The following TTC28 variants were observed in gnomAD, a reference collection of about 807,000 sequenced individuals.
TTC28 encodes tetratricopeptide repeat domain 28, also known as tetratricopeptide repeat protein 28.
TTC28 carries 61 observed loss-of-function variants against 198.0 expected under a neutral mutation model. That is an observed-to-expected ratio of 0.31 (90% CI 0.25 to 0.38). TTC28 has a LOEUF of 0.38. Among genes scored for constraint, TTC28 ranks in the 10% least tolerant of loss-of-function variants. The pLI, the probability that TTC28 is intolerant of heterozygous loss-of-function variation, is 1.00. For missense variants in TTC28, 2,678 were observed against 3,164.0 expected (o/e 0.85, Z 3.69); for synonymous variants, 1,171 against 1,297.8 (o/e 0.90, Z 2.10).
intron 5 of TTC28, among the ~76,000 whole-genome samples, chr22:28,256,563 G>GA (rs755781726): frequency 4.6e-5 from 7 of 151,788 alleles, no homozygotes; most frequent in Admixed American, 6.6e-5. Context: ...CACAGAAATA[G>GA]AAAAAAAACT....
chr22:28,586,551 T>C (rs2050322202), intron 2 of TTC28, among the ~76,000 whole-genome samples: 1 of 152,180 alleles, frequency 6.6e-6, no homozygotes, highest in Admixed American at 6.5e-5. Flanking sequence ...CAGATGAAAT[T>C]AAAACCTGAT....
intron 22 of TTC28, among the ~76,000 whole-genome samples, chr22:27,984,240 C>T (rs1239118253): frequency 1.3e-5 from 2 of 152,134 alleles, no homozygotes; most frequent in East Asian, 1.9e-4. Flanking sequence ...ATCTCCTGCC[C>T]TCCTTTCCAG....
At chr22:28,493,719 G>A (rs1335607669) in intron 2 of TTC28, among the ~76,000 whole-genome samples, 1 of 152,130 alleles carries the variant, frequency 6.6e-6, no homozygotes. Flanking sequence ...TCCTCCCTCT[G>A]CTCCCCACCC....
At chr22:28,575,573 G>T (rs925080879) in intron 2 of TTC28, among the ~76,000 whole-genome samples, 1 of 152,148 alleles carries the variant, frequency 6.6e-6, no homozygotes, top group Admixed American at 6.6e-5. Context: ...GAAAGAGATT[G>T]CACTGAATAT....
At chr22:28,159,480 C>A (rs769305906) in intron 6 of TTC28, among the ~76,000 whole-genome samples, 1 of 152,010 alleles carries the variant, frequency 6.6e-6, no homozygotes, top group African/African-American at 2.4e-5. Flanking sequence ...ATGCTGAAAC[C>A]CCATCTCTAC....
intron 6 of TTC28, among the ~76,000 whole-genome samples, chr22:28,122,060 G>A (rs1057141193): frequency 3.9e-5 from 6 of 152,122 alleles, no homozygotes; most frequent in Non-Finnish European, 8.8e-5. Flanking sequence ...TAGAGACAGG[G>A]TTTTACCCTG....
intron 5 of TTC28, among the ~76,000 whole-genome samples, chr22:28,225,580 A>C (rs1457963641): frequency 6.6e-6 from 1 of 152,234 alleles, no homozygotes; most frequent in East Asian, 1.9e-4. Flanking sequence ...AAAGAAGGGT[A>C]GAATTGCACA....
chr22:28,086,527 C>A (rs1311055412), intron 12 of TTC28, among the ~76,000 whole-genome samples: 6 of 152,066 alleles, frequency 3.9e-5, no homozygotes, highest in South Asian at 2.1e-4. Flanking sequence ...TGTAGAGGGA[C>A]ATTTATAGCA....
intron 1 of TTC28, among the ~76,000 whole-genome samples, chr22:28,637,315 T>A (rs1406313066): frequency 6.6e-6 from 1 of 152,126 alleles, no homozygotes; most frequent in Non-Finnish European, 1.5e-5. Flanking sequence ...CCCAGCCACG[T>A]TTAAGTATTT....
intron 2 of TTC28, among the ~76,000 whole-genome samples, chr22:28,316,298 G>A (rs1055817684): frequency 4.6e-5 from 7 of 152,126 alleles, no homozygotes; most frequent in African/African-American, 1.7e-4. Context: ...CTGCCTGTCT[G>A]ACCCGTTTCT....
chr22:28,479,256 T>C (rs904934123), intron 2 of TTC28, among the ~76,000 whole-genome samples: 4 of 152,274 alleles, frequency 2.6e-5, no homozygotes, highest in African/African-American at 9.6e-5. Context: ...TTCTTGAAAA[T>C]ACATACACAG....
chr22:28,066,318 T>C (rs1327228934), intron 12 of TTC28, among the ~76,000 whole-genome samples: 1 of 151,906 alleles, frequency 6.6e-6, no homozygotes, highest in Non-Finnish European at 1.5e-5. Flanking sequence ...TGTGTGTGTG[T>C]GTGTGCGCGC....
intron 13 of TTC28, among the ~76,000 whole-genome samples, chr22:28,027,572 C>A (rs1057058035): frequency 6.6e-6 from 1 of 152,230 alleles, no homozygotes; most frequent in African/African-American, 2.4e-5. Context: ...TGGAGAGCCC[C>A]CGGAGAGGGA....
chr22:28,585,170 G>A (rs2050295638), intron 2 of TTC28, among the ~76,000 whole-genome samples: 1 of 152,154 alleles, frequency 6.6e-6, no homozygotes, highest in East Asian at 1.9e-4. Context: ...CCTGGGGCTG[G>A]GGAGATGGTT....
intron 2 of TTC28, among the ~76,000 whole-genome samples, chr22:28,411,247 C>A (rs2047076843): frequency 6.6e-6 from 1 of 152,098 alleles, no homozygotes; most frequent in Non-Finnish European, 1.5e-5. Context: ...TTGTCAAGTC[C>A]AGCTTTCAGA....
At chr22:28,340,146 C>CTGG (rs1255532536) in intron 2 of TTC28, among the ~76,000 whole-genome samples, 2 of 152,154 alleles carry the variant, frequency 1.3e-5, no homozygotes, top group African/African-American at 2.4e-5. Context: ...AAACCTTGGG[C>CTGG]TGGTCCTACC....
chr22:28,105,375 T>G lies in TTC28; in HGVS notation c.3211A>C (p.Asn1071His). 1 of 1,551,736 alleles carries G rather than the reference T, an allele frequency of 6.4e-7. No individual in the cohort carries two copies. The change falls in exon 8 of 23, where the codon AAT becomes CAT. Residue 1071 changes from asparagine (N) to histidine (H), a missense_variant. Physicochemically the swap from Asn to His is moderately conservative, Grantham distance 68 (BLOSUM62 1). Coordinates refer to ENST00000397906, the MANE Select transcript of TTC28 (RefSeq NM_001145418.2). ...GACACCGTCTTGGCCGCCAAGTCATTCATCTGTGCAGCAATGCTCAAGTGC... is the reference window on the plus strand; with the variant it reads ...GACACCGTCTTGGCCGCCAAGTCATGCATCTGTGCAGCAATGCTCAAGTGC... ...EQHLSIAAQMNDLAAKTVSYS... is the reference protein window; with the variant it reads ...EQHLSIAAQMHDLAAKTVSYS...
At chr22:28,453,284 AAC>A (rs1449305274) in intron 2 of TTC28, among the ~76,000 whole-genome samples, 1 of 152,162 alleles carries the variant, frequency 6.6e-6, no homozygotes, top group Non-Finnish European at 1.5e-5. Flanking sequence ...TTTATATTAA[AAC>A]ACAAATTTTT....
chr22:27,982,152 G>A lies in TTC28; in HGVS notation c.*69C>T. On this transcript the variant is annotated 3_prime_UTR_variant, in exon 23 of 23. Coordinates refer to ENST00000397906, the MANE Select transcript of TTC28 (RefSeq NM_001145418.2). The surrounding 1 kb of genome is among the most constrained non-coding windows in gnomAD (Gnocchi z 5.2). ...GTGGCTGTGGGGGGACTGCACTCAGGGAAGGGCTGAAGCAAACGCCAGGCC... is the reference window on the plus strand; with the variant it reads ...GTGGCTGTGGGGGGACTGCACTCAGAGAAGGGCTGAAGCAAACGCCAGGCC... 2 of 1,426,558 alleles carry A rather than the reference G, an allele frequency of 1.4e-6. No individual in the cohort carries two copies. The highest frequency in any genetic ancestry group is 2.5e-5 in the East Asian group (1 of 39,892). The allele number at this position is 1,426,558 out of a possible 1,614,324, so 88.4% of individuals were successfully genotyped here. A position where few individuals can be genotyped will look rare whatever the true frequency, so the allele number is the denominator to read the frequency against.
Sources: allele counts gnomAD v4.1 joint callset (sites outside exome capture counted in the v4.1 genomes callset), GRCh38; gene constraint gnomAD v4.1.1; non-coding constraint Gnocchi (gnomAD v3.1); transcripts MANE v1.5; gene names NCBI Gene and HGNC (gene_info 2026-07-23, HGNC 2026-07-21).